Variants in DACH2 observed in about 807,000 individuals in gnomAD.
DACH2 encodes dachshund homolog 2.
DACH2 carries 17 observed loss-of-function variants against 35.8 expected under a neutral mutation model. The ratio of observed to expected loss-of-function variants is 0.48; its 90% CI spans 0.33 to 0.71. The LOEUF (loss-of-function observed/expected upper bound fraction) is 0.71. Among genes scored for constraint, DACH2 ranks in the 30% least tolerant of loss-of-function variants. The pLI, the probability that DACH2 is intolerant of heterozygous loss-of-function variation, is 0.02. For missense variants in DACH2, 469 were observed against 472.7 expected (o/e 0.99, Z 0.07); for synonymous variants, 195 against 177.3 (o/e 1.10, Z -0.79).
chrX:86,667,545 GAAGAAAGAAAGAAAGAAAGA>G (rs367810959), intron 4 of DACH2, among the ~76,000 whole-genome samples: 15 of 31,362 alleles, frequency 4.8e-4, no homozygotes, highest in South Asian at 1.8e-3. Flanking sequence ...AAGAAAGAAA[GAAGAAAGAAAGAAAGAAAGA>G]AAGAAAGAAA....
At chrX:86,741,193 G>A (rs1243689475) in intron 7 of DACH2, among the ~76,000 whole-genome samples, 1 of 111,379 alleles carries the variant, frequency 9.0e-6, no homozygotes, top group Non-Finnish European at 1.9e-5. Flanking sequence ...GAGAAATTTG[G>A]GAGGCTAGGG....
chrX:86,722,446 T>C (rs939710145), intron 6 of DACH2, among the ~76,000 whole-genome samples: 2 of 111,425 alleles, frequency 1.8e-5, no homozygotes, highest in Non-Finnish European at 3.8e-5. Context: ...ACTCCTGGGC[T>C]CAAGTGATTC....
chrX:86,427,039 C>A (rs2148165127), intron 2 of DACH2, among the ~76,000 whole-genome samples: 1 of 111,516 alleles, frequency 9.0e-6, no homozygotes, highest in African/African-American at 3.2e-5. Flanking sequence ...TTTGTTATTT[C>A]TCTTGCCTAA....
At chrX:86,300,301 G>T (rs186251417) in intron 1 of DACH2, among the ~76,000 whole-genome samples, 2 of 111,615 alleles carry the variant, frequency 1.8e-5, no homozygotes, top group East Asian at 5.6e-4. Flanking sequence ...TGATAAAGTT[G>T]GGTTTTAATG....
chrX:86,456,222 G>A (rs1294855316), intron 2 of DACH2, among the ~76,000 whole-genome samples: 1 of 112,223 alleles, frequency 8.9e-6, no homozygotes, highest in Non-Finnish European at 1.9e-5. Context: ...GAATTCACTT[G>A]CCCCTTTCAT....
intron 2 of DACH2, among the ~76,000 whole-genome samples, chrX:86,380,288 C>CA (rs2036027425): frequency 9.1e-6 from 1 of 110,279 alleles, no homozygotes; most frequent in Admixed American, 9.7e-5. Context: ...CAAGGTCATA[C>CA]AGCCTATAAA....
chrX:86,568,108 C>T (rs1044573081), intron 3 of DACH2, among the ~76,000 whole-genome samples: 2 of 111,358 alleles, frequency 1.8e-5, no homozygotes, highest in African/African-American at 6.5e-5. Context: ...AAAGGCAGAA[C>T]TATGGAGACA....
intron 7 of DACH2, among the ~76,000 whole-genome samples, chrX:86,761,840 G>A (rs1292799797): frequency 1.9e-5 from 2 of 106,711 alleles, no homozygotes; most frequent in Non-Finnish European, 3.9e-5. Context: ...TTGGGCTCCA[G>A]TGTGGCATAC....
intron 10 of DACH2, 131 bp from the exon 11 acceptor site, chrX:86,815,903 A>C (rs2042446269): frequency 2.6e-6 from 1 of 386,189 alleles, no homozygotes; most frequent in Non-Finnish European, 4.2e-6. Flanking sequence ...ACAGACATAC[A>C]AAAAACAAAA....
At chrX:86,279,440 CCTGA>C (rs1360390254) in intron 1 of DACH2, among the ~76,000 whole-genome samples, 1 of 111,719 alleles carries the variant, frequency 9.0e-6, no homozygotes, top group Non-Finnish European at 1.9e-5. Context: ...AGCAGAGGGG[CCTGA>C]CTGTTAGAAG....
intron 1 of DACH2, among the ~76,000 whole-genome samples, chrX:86,290,504 A>G (rs1258553707): frequency 1.0e-5 from 1 of 95,913 alleles, no homozygotes; most frequent in East Asian, 3.4e-4. Context: ...GCCCATGCCT[A>G]TGTCCTGAAT....
rs1602361983 is a variant in DACH2 at position 86,289,757 on chromosome X, T to A, written c.489-87067T>A. Among the ~76,000 whole-genome samples, 8 of 109,783 alleles carry A rather than the reference T, an allele frequency of 7.3e-5. 1 individual carries two copies. The highest frequency in any genetic ancestry group is 6.8e-4 in the Admixed American group (7 of 10,247). On this transcript the variant is annotated intron_variant, in intron 1 of 11. Transcript: ENST00000373125. ...CCCTACAAAGGACATGAACTCATCA[T>A]TTTTTATGGCTGCATAGTATCCCAT...
chrX:86,824,331 A>G (rs894857682), intron 11 of DACH2, among the ~76,000 whole-genome samples: 1 of 111,862 alleles, frequency 8.9e-6, no homozygotes, highest in Admixed American at 9.5e-5. Flanking sequence ...AAGAAGAAAA[A>G]TATGGCTCTA....
At chrX:86,786,407 A>C (rs979219720) in intron 7 of DACH2, among the ~76,000 whole-genome samples, 1 of 111,826 alleles carries the variant, frequency 8.9e-6, no homozygotes, top group Non-Finnish European at 1.9e-5. Flanking sequence ...CAACCTGCAG[A>C]TACCAAGCCA....
At chrX:86,706,146 G>T (rs755055545) in intron 5 of DACH2, among the ~76,000 whole-genome samples, 1 of 111,460 alleles carries the variant, frequency 9.0e-6, no homozygotes, top group Admixed American at 9.5e-5. Flanking sequence ...TATGGGTACA[G>T]TGTACACTTC....
intron 7 of DACH2, among the ~76,000 whole-genome samples, chrX:86,746,734 G>C (rs2041716190): frequency 1.8e-5 from 2 of 110,845 alleles, no homozygotes; most frequent in Admixed American, 1.9e-4. Flanking sequence ...TCTTTTTACT[G>C]TTTTCGTAGT....
chrX:86,160,419 T>C, intron 1 of DACH2: 1 of 551,507 alleles, frequency 1.8e-6, no homozygotes, highest in East Asian at 3.4e-5. Context: ...ATATCAATGA[T>C]GGCAGCATCA....
At chrX:86,419,263 G>A (rs925061465) in intron 2 of DACH2, among the ~76,000 whole-genome samples, 2 of 111,530 alleles carry the variant, frequency 1.8e-5, no homozygotes, top group African/African-American at 3.3e-5. Flanking sequence ...CAACTCTACT[G>A]GTACGAATTT....
At chrX:86,415,448 G>T (rs1327400140) in intron 2 of DACH2, among the ~76,000 whole-genome samples, 1 of 111,902 alleles carries the variant, frequency 8.9e-6, no homozygotes, top group Non-Finnish European at 1.9e-5. Flanking sequence ...ATAAGAAAAA[G>T]AAAAGAATTG....
Sources: gnomAD v4.1 joint callset for allele counts (sites outside exome capture counted in the v4.1 genomes callset) on GRCh38, gnomAD v4.1.1 for gene constraint, MANE v1.5 for transcripts, NCBI Gene and HGNC (gene_info 2026-07-23, HGNC 2026-07-21) for gene names.